PDE3A: variants seen among roughly 807,000 people sequenced by gnomAD.
PDE3A encodes the protein cGMP-inhibited 3',5'-cyclic phosphodiesterase 3A.
PDE3A carries 43 observed loss-of-function variants against 98.3 expected under a neutral mutation model. The observed-to-expected ratio is 0.44, with a 90% confidence interval of 0.34 to 0.56. The LOEUF is 0.56. PDE3A is among the 20% of genes least tolerant of loss of function. The pLI is 0.01. For synonymous variants in PDE3A, 663 were observed against 567.9 expected (o/e 1.17, Z -2.38); for missense variants, 1,427 against 1,440.7 (o/e 0.99, Z 0.15).
intron 1 of PDE3A, among the ~76,000 whole-genome samples, chr12:20,448,447 G>A (rs1944999359): frequency 6.6e-6 from 1 of 152,030 alleles, no homozygotes; most frequent in Non-Finnish European, 1.5e-5. Context: ...GTCTCCAGGG[G>A]GAAATATTAG....
intron 2 of PDE3A, among the ~76,000 whole-genome samples, chr12:20,596,759 A>G (rs1427973255): frequency 1.3e-5 from 2 of 152,144 alleles, no homozygotes; most frequent in South Asian, 4.1e-4. Flanking sequence ...ACATTTTCAA[A>G]GAAGATGTGA....
chr12:20,648,838 T>C lies in PDE3A; in HGVS notation c.2716T>C (p.Leu906=), dbSNP rs751199257. 6.2e-7 allele frequency: 1 copy of C among 1,613,960 alleles called. No individual in the cohort carries two copies. Among genetic ancestry groups the C allele is most frequent in the African/African-American group, 1.3e-5 (1 of 74,938 alleles). The change falls in exon 13 of 16, where the codon TTG becomes CTG. Residue 906 remains leucine, a synonymous_variant. Transcript: ENST00000359062. ...CCGTTTCCTTGTCATTGAAGCAATT[T>C]TGGCCACTGACCTGAAGAAACACTT... is the stretch of plus-strand genomic sequence containing the variant. ...HFRFLVIEAI[L]ATDLKKHFDF...
chr12:20,608,033 A>C (rs559101897), intron 2 of PDE3A, among the ~76,000 whole-genome samples: 2 of 152,266 alleles, frequency 1.3e-5, no homozygotes, highest in African/African-American at 2.4e-5. Flanking sequence ...CACTTTGTAC[A>C]TGATTTAAAA....
intron 1 of PDE3A, among the ~76,000 whole-genome samples, chr12:20,529,673 C>A (rs936690905): frequency 7.2e-5 from 11 of 152,050 alleles, no homozygotes; most frequent in Non-Finnish European, 1.5e-4. Flanking sequence ...CAGGGAGAGG[C>A]AAGGATTCTT....
At chr12:20,515,818 C>T (rs1266787269) in intron 1 of PDE3A, among the ~76,000 whole-genome samples, 2 of 149,742 alleles carry the variant, frequency 1.3e-5, no homozygotes, top group African/African-American at 4.9e-5. Flanking sequence ...CTGCAAGCTC[C>T]GCCTCCCGGG....
intron 2 of PDE3A, among the ~76,000 whole-genome samples, chr12:20,612,205 T>G (rs912568370): frequency 3.3e-5 from 5 of 151,952 alleles, no homozygotes; most frequent in Non-Finnish European, 5.9e-5. Flanking sequence ...AAGTTGTTTT[T>G]ATTATGTTGA....
At chr12:20,397,487 A>G (rs926733353) in intron 1 of PDE3A, among the ~76,000 whole-genome samples, 2 of 152,070 alleles carry the variant, frequency 1.3e-5, no homozygotes, top group Admixed American at 1.3e-4. Context: ...CCTATAACCC[A>G]TACTAAAAAC....
chr12:20,641,717 T>C (rs1944651390), intron 10 of PDE3A, among the ~76,000 whole-genome samples: 1 of 152,180 alleles, frequency 6.6e-6, no homozygotes, highest in Non-Finnish European at 1.5e-5. Flanking sequence ...GTTTTCAGAT[T>C]CTAAGATTTA....
chr12:20,487,611 C>T (rs1945753159), intron 1 of PDE3A, among the ~76,000 whole-genome samples: 1 of 151,002 alleles, frequency 6.6e-6, no homozygotes, highest in Admixed American at 6.6e-5. Flanking sequence ...CAAGATTGCG[C>T]CACTGCACTC....
At chr12:20,645,051 G>A (rs1310668407) in intron 10 of PDE3A, among the ~76,000 whole-genome samples, 1 of 151,810 alleles carries the variant, frequency 6.6e-6, no homozygotes, top group Non-Finnish European at 1.5e-5. Flanking sequence ...ACCACGCTCG[G>A]CTAATTTTTG....
chr12:20,441,891 T>C (rs1270076533), intron 1 of PDE3A, among the ~76,000 whole-genome samples: 1 of 152,166 alleles, frequency 6.6e-6, no homozygotes, highest in Non-Finnish European at 1.5e-5. Flanking sequence ...CATGCATTTC[T>C]TGTTTCTTCC....
At chr12:20,451,906 T>A (rs1174631168) in intron 1 of PDE3A, among the ~76,000 whole-genome samples, 1 of 152,234 alleles carries the variant, frequency 6.6e-6, no homozygotes, top group East Asian at 1.9e-4. Flanking sequence ...TTGTGTGGGA[T>A]GCTCACACTT....
chr12:20,515,644 C>G (rs1946305825), intron 1 of PDE3A, among the ~76,000 whole-genome samples: 1 of 152,142 alleles, frequency 6.6e-6, no homozygotes, highest in Non-Finnish European at 1.5e-5. Context: ...ATGCAGAAAT[C>G]CGAAGCAGAC....
chr12:20,369,818 G>A lies in PDE3A; in HGVS notation c.534G>A (p.Leu178=). ...GGGAAGCGCTCGTCCAGATTGGGCT[G>A]GGCGTCGGGGAGGATCACTTACTCT... The part of the protein sequence containing the change: ...CGGEALVQIG[L]GVGEDHLLSL... The change falls in exon 1 of 16, where the codon CTG becomes CTA. Residue 178 remains leucine, a synonymous_variant. Transcript: ENST00000359062. 1 of 1,611,990 alleles carries A rather than the reference G, an allele frequency of 6.2e-7. No individual in the cohort carries two copies. Among genetic ancestry groups the A allele is most frequent in the Non-Finnish European group, 8.5e-7 (1 of 1,179,508 alleles).
intron 2 of PDE3A, among the ~76,000 whole-genome samples, chr12:20,575,321 C>A (rs1182454037): frequency 6.6e-6 from 1 of 151,776 alleles, no homozygotes; most frequent in Non-Finnish European, 1.5e-5. Context: ...TTATTTAACT[C>A]TTTCATTATG....
chr12:20,429,966 T>G (rs1944667981), intron 1 of PDE3A, among the ~76,000 whole-genome samples: 1 of 152,196 alleles, frequency 6.6e-6, no homozygotes, highest in Non-Finnish European at 1.5e-5. Flanking sequence ...CCCTAAATGT[T>G]TTTAAAATTT....
At chr12:20,565,874 G>T (rs533574034) in intron 2 of PDE3A, among the ~76,000 whole-genome samples, 1 of 151,862 alleles carries the variant, frequency 6.6e-6, no homozygotes, top group South Asian at 2.1e-4. Context: ...CCACTCTAGG[G>T]AACAAACTAA....
At chr12:20,496,531 AC>A (rs1945921982) in intron 1 of PDE3A, among the ~76,000 whole-genome samples, 1 of 135,838 alleles carries the variant, frequency 7.4e-6, no homozygotes, top group African/African-American at 2.7e-5. Flanking sequence ...CCCCACCGCC[AC>A]CCCGCAACAC....
chr12:20,385,264 G>A (rs2120565377), intron 1 of PDE3A, among the ~76,000 whole-genome samples: 1 of 152,160 alleles, frequency 6.6e-6, no homozygotes, highest in African/African-American at 2.4e-5. Context: ...AGTTAGAATG[G>A]CGATCATTAA....
Sources: allele counts gnomAD v4.1 joint callset (sites outside exome capture counted in the v4.1 genomes callset), GRCh38; gene constraint gnomAD v4.1.1; transcripts MANE v1.5; gene names NCBI Gene and HGNC (gene_info 2026-07-23, HGNC 2026-07-21).